SOX5: variants seen among roughly 807,000 people sequenced by gnomAD.
SOX5 encodes the protein transcription factor SOX-5.
In SOX5, 9 loss-of-function variants were observed where a neutral mutation model predicts 92.0. The ratio of observed to expected loss-of-function variants is 0.10; its 90% confidence interval spans 0.06 to 0.17. SOX5 has a LOEUF of 0.17. Ranked by LOEUF, SOX5 falls within the 10% of genes least tolerant of loss-of-function variation. The pLI, the probability that SOX5 is intolerant of heterozygous loss-of-function variation, is 1.00. For synonymous variants in SOX5, 344 were observed against 336.3 expected (o/e 1.02, Z -0.25); for missense variants, 642 against 944.5 (o/e 0.68, Z 4.20).
In SOX5 at chr12:24,220,939, A is replaced by G. The variant is rs867842111; in HGVS notation, c.-76-7522T>C. 3.3e-5 allele frequency among the ~76,000 whole-genome samples: 5 copies of G among 152,128 alleles called. No individual in the cohort carries two copies. The South Asian group carries it at 1.0e-3, about 32-fold the overall frequency. On this transcript the variant is annotated intron_variant, in intron 3 of 4. Transcript: ENST00000446891. ...GTATTGACTTATTGTGTTTCGTGTT[A>G]GACACCTTATCTACACTGGTTTTTG...
At chr12:24,229,795 G>A (rs1420869104) in intron 3 of SOX5, among the ~76,000 whole-genome samples, 1 of 152,126 alleles carries the variant, frequency 6.6e-6, no homozygotes, top group Non-Finnish European at 1.5e-5. Flanking sequence ...GCAGGAAAAA[G>A]ACCGCTAGCA....
chr12:23,731,162 G>A (rs1357411567), intron 6 of SOX5, among the ~76,000 whole-genome samples: 1 of 152,226 alleles, frequency 6.6e-6, no homozygotes, highest in Non-Finnish European at 1.5e-5. Context: ...ACTCACACTT[G>A]CAGCTTCCCG....
intron 3 of SOX5, among the ~76,000 whole-genome samples, chr12:23,759,649 G>C (rs1038260825): frequency 9.2e-5 from 14 of 152,164 alleles, no homozygotes; most frequent in African/African-American, 3.4e-4. Context: ...AGATATGGTA[G>C]AAAATGCATG....
intron 2 of SOX5, among the ~76,000 whole-genome samples, chr12:24,300,845 T>C (rs1947866938): frequency 6.6e-6 from 1 of 152,222 alleles, no homozygotes; most frequent in Non-Finnish European, 1.5e-5. Context: ...CTTTCTGCTA[T>C]ACCATTTTGT....
At chr12:23,946,652 C>T (rs984842585) in intron 1 of SOX5, among the ~76,000 whole-genome samples, 2 of 151,818 alleles carry the variant, frequency 1.3e-5, no homozygotes, top group African/African-American at 2.4e-5. Flanking sequence ...GGGGAGACTT[C>T]GGGCGTTCAT....
intron 3 of SOX5, among the ~76,000 whole-genome samples, chr12:24,245,252 T>A (rs914004640): frequency 1.7e-4 from 26 of 151,188 alleles, no homozygotes; most frequent in Non-Finnish European, 3.2e-4. Flanking sequence ...TGTGTGTGTG[T>A]GTGTGTGTGT....
intron 1 of SOX5, among the ~76,000 whole-genome samples, chr12:24,462,087 G>T (rs1462850420): frequency 6.6e-6 from 1 of 152,140 alleles, no homozygotes; most frequent in African/African-American, 2.4e-5. Context: ...TCTGAGAAAG[G>T]CATCATTAGG....
At chr12:24,043,169 G>A (rs756090556) in intron 4 of SOX5, among the ~76,000 whole-genome samples, 1 of 152,168 alleles carries the variant, frequency 6.6e-6, no homozygotes, top group African/African-American at 2.4e-5. Context: ...TAGAAAGGAA[G>A]TAATTGTTTT....
intron 1 of SOX5, among the ~76,000 whole-genome samples, chr12:23,941,743 T>G (rs1943686846): frequency 6.6e-6 from 1 of 151,652 alleles, no homozygotes; most frequent in East Asian, 1.9e-4. Flanking sequence ...GAATGCATAC[T>G]AAACTGAATA....
chr12:23,682,367 G>A (rs2086764057), intron 6 of SOX5, among the ~76,000 whole-genome samples: 1 of 151,802 alleles, frequency 6.6e-6, no homozygotes, highest in South Asian at 2.1e-4. Flanking sequence ...AGAAGAGGCT[G>A]AAACATTTAC....
intron 3 of SOX5, among the ~76,000 whole-genome samples, chr12:23,840,432 C>T (rs773775384): frequency 6.6e-6 from 1 of 152,078 alleles, no homozygotes; most frequent in Non-Finnish European, 1.5e-5. Context: ...AGGTATAACA[C>T]AATCCCAATA....
At chr12:23,784,093 AAT>A (rs2095333741) in intron 3 of SOX5, among the ~76,000 whole-genome samples, 1 of 152,204 alleles carries the variant, frequency 6.6e-6, no homozygotes, top group African/African-American at 2.4e-5. Flanking sequence ...GAGTATATTT[AAT>A]GCAATATTAT....
At chr12:24,423,933 A>C (rs1475335689) in intron 1 of SOX5, among the ~76,000 whole-genome samples, 1 of 152,214 alleles carries the variant, frequency 6.6e-6, no homozygotes, top group Non-Finnish European at 1.5e-5. Flanking sequence ...CGAGGAGATA[A>C]GGGCCCCAGC....
chr12:24,439,652 T>G (rs780649894), intron 1 of SOX5, among the ~76,000 whole-genome samples: 3 of 152,170 alleles, frequency 2.0e-5, no homozygotes, highest in Admixed American at 6.5e-5. Flanking sequence ...CCCAGCACTT[T>G]GGGAGGCCAA....
At chr12:23,650,369 A>C (rs952421363) in intron 7 of SOX5, among the ~76,000 whole-genome samples, 3 of 152,140 alleles carry the variant, frequency 2.0e-5, no homozygotes, top group Non-Finnish European at 4.4e-5. Context: ...CAGGGTCAAC[A>C]GTAAGCATGC....
At chr12:24,366,255 G>C (rs544601218) in intron 2 of SOX5, among the ~76,000 whole-genome samples, 60 of 152,166 alleles carry the variant, frequency 3.9e-4, no homozygotes, top group African/African-American at 1.4e-3. Flanking sequence ...TCAGTTAATA[G>C]TACCCTATTT....
intron 9 of SOX5, among the ~76,000 whole-genome samples, chr12:23,594,223 G>A (rs1180968348): frequency 2.0e-5 from 3 of 151,434 alleles, no homozygotes; most frequent in Non-Finnish European, 4.4e-5. Context: ...AAAACAGGAA[G>A]TATTCTGCGT....
chr12:24,141,162 T>TA, intron 4 of SOX5, among the ~76,000 whole-genome samples: 2 of 152,292 alleles, frequency 1.3e-5, no homozygotes, highest in South Asian at 4.1e-4. Context: ...TCTTCATGGC[T>TA]AAAAAACAAG....
intron 2 of SOX5, among the ~76,000 whole-genome samples, chr12:23,885,019 G>A (rs530482942): frequency 6.6e-6 from 1 of 152,064 alleles, no homozygotes; most frequent in Non-Finnish European, 1.5e-5. Flanking sequence ...GATGACCCTG[G>A]GGAAATCAGA....
Sources: gnomAD v4.1 joint callset for allele counts (sites outside exome capture counted in the v4.1 genomes callset) on GRCh38, gnomAD v4.1.1 for gene constraint, MANE v1.5 for transcripts, NCBI Gene and HGNC (gene_info 2026-07-23, HGNC 2026-07-21) for gene names.